CNTNAP2: variants seen among roughly 807,000 people sequenced by gnomAD.
The protein encoded by CNTNAP2 is contactin associated protein 2.
A neutral mutation model predicts 155.2 loss-of-function variants in CNTNAP2; 98 were observed. The ratio of observed to expected loss-of-function variants is 0.63; its 90% CI spans 0.54 to 0.75. The LOEUF (loss-of-function observed/expected upper bound fraction) is 0.75. Among genes scored for constraint, CNTNAP2 ranks in the 30% least tolerant of loss-of-function variants. The pLI is 0.00. For synonymous variants in CNTNAP2, 651 were observed against 631.2 expected (o/e 1.03, Z -0.47); for missense variants, 1,727 against 1,688.1 (o/e 1.02, Z -0.40).
rs10276944 is a variant in CNTNAP2 at position 148,053,197 on chromosome 7, G to A, written c.2384-64921G>A. 8.2e-3 allele frequency among the ~76,000 whole-genome samples: 1,254 copies of A among 152,218 alleles called. 15 individuals are homozygous for A. Among genetic ancestry groups the A allele is most frequent in the African/African-American group, 0.027 (1,101 of 41,518 alleles). On this transcript the variant is annotated intron_variant, in intron 15 of 23. Transcript: ENST00000361727. ...ATTCCACATGTATTTACATGTACCT[G>A]GGAAAATTATAATGAAAATGTTAAC... is the stretch of plus-strand genomic sequence containing the variant.
chr7:147,066,524 A>G (rs2129264124), intron 4 of CNTNAP2, among the ~76,000 whole-genome samples: 1 of 152,326 alleles, frequency 6.6e-6, no homozygotes, highest in Non-Finnish European at 1.5e-5. Context: ...GATTTTATAA[A>G]TTCTATTTAA....
At chr7:148,335,852 A>G (rs562435233) in intron 21 of CNTNAP2, among the ~76,000 whole-genome samples, 4 of 120,484 alleles carry the variant, frequency 3.3e-5, no homozygotes, top group African/African-American at 1.1e-4. Flanking sequence ...AGGTTTAAAT[A>G]TTGTACGTTT....
chr7:147,591,680 T>A (rs1192942132), intron 12 of CNTNAP2, among the ~76,000 whole-genome samples: 1 of 152,158 alleles, frequency 6.6e-6, no homozygotes, highest in Admixed American at 6.6e-5. Flanking sequence ...AGCAGAATAG[T>A]CCTACAAAAA....
chr7:147,417,876 T>C (rs1261714530), intron 10 of CNTNAP2, among the ~76,000 whole-genome samples: 1 of 152,230 alleles, frequency 6.6e-6, no homozygotes, highest in African/African-American at 2.4e-5. Context: ...AGAAAGTTTT[T>C]TAAGAGTTCC....
At chr7:147,495,272 C>G (rs1256268918) in intron 11 of CNTNAP2, among the ~76,000 whole-genome samples, 4 of 152,130 alleles carry the variant, frequency 2.6e-5, no homozygotes, top group Admixed American at 2.6e-4. Flanking sequence ...AGAAACAGAA[C>G]TAATTGTTAA....
intron 18 of CNTNAP2, among the ~76,000 whole-genome samples, chr7:148,204,192 C>G (rs1795410997): frequency 6.6e-6 from 1 of 152,174 alleles, no homozygotes; most frequent in Non-Finnish European, 1.5e-5. Context: ...TGCTTTAAGA[C>G]TGCCGATACG....
chr7:147,105,387 C>A (rs1563078297), intron 4 of CNTNAP2, among the ~76,000 whole-genome samples: 1 of 151,890 alleles, frequency 6.6e-6, no homozygotes, highest in Non-Finnish European at 1.5e-5. Flanking sequence ...TTAAACAGTT[C>A]AACCATACAT....
intron 10 of CNTNAP2, among the ~76,000 whole-genome samples, chr7:147,465,250 C>A (rs1001860486): frequency 3.9e-4 from 59 of 152,168 alleles, no homozygotes; most frequent in African/African-American, 1.3e-3. Flanking sequence ...GAAGCTCAAA[C>A]CTCAGCATTA....
At chr7:147,891,075 T>A (rs1438306017) in intron 13 of CNTNAP2, among the ~76,000 whole-genome samples, 1 of 151,354 alleles carries the variant, frequency 6.6e-6, no homozygotes, top group Non-Finnish European at 1.5e-5. Context: ...TTAAAAACTA[T>A]TTTTTTTAAA....
At chr7:147,780,266 G>A (rs1257785404) in intron 13 of CNTNAP2, among the ~76,000 whole-genome samples, 11 of 152,090 alleles carry the variant, frequency 7.2e-5, no homozygotes, top group Admixed American at 6.5e-4. Context: ...AAATGAAAAC[G>A]GAAAACATTC....
intron 13 of CNTNAP2, among the ~76,000 whole-genome samples, chr7:147,832,672 A>T (rs1278491381): frequency 7.0e-6 from 1 of 141,950 alleles, no homozygotes; most frequent in Non-Finnish European, 1.5e-5. Flanking sequence ...ATTTCAATAT[A>T]TTATATTTCA....
intron 1 of CNTNAP2, among the ~76,000 whole-genome samples, chr7:146,738,470 C>T (rs1178649235): frequency 1.3e-5 from 2 of 151,928 alleles, no homozygotes; most frequent in Non-Finnish European, 2.9e-5. Context: ...ATTTTCTCTT[C>T]GTTTTGTTTA....
chr7:146,365,096 T>G (rs1795136674), intron 1 of CNTNAP2, among the ~76,000 whole-genome samples: 1 of 152,332 alleles, frequency 6.6e-6, no homozygotes, highest in Admixed American at 6.5e-5. Context: ...TATGTAAATG[T>G]GGTATCTTGC....
At chr7:147,235,458 A>G (rs1349317809) in intron 8 of CNTNAP2, among the ~76,000 whole-genome samples, 3 of 151,784 alleles carry the variant, frequency 2.0e-5, no homozygotes, top group Non-Finnish European at 4.4e-5. Context: ...GGTGTTGTGT[A>G]CCAGACTTCC....
chr7:146,350,922 C>T lies in CNTNAP2; in HGVS notation c.97+233949C>T, dbSNP rs533212041. On this transcript the variant is annotated intron_variant, in intron 1 of 23. Coordinates refer to ENST00000361727, the MANE Select transcript of CNTNAP2 (RefSeq NM_014141.6). ...GAAACCATCATTCTCAGCAAACTAT[C>T]GCAAGGACAAAAAACCAAACACCGC... 2.3e-3 allele frequency among the ~76,000 whole-genome samples: 353 copies of T among 151,118 alleles called. 1 individual carries two copies. Among genetic ancestry groups the T allele is most frequent in the African/African-American group, 5.6e-3 (232 of 41,072 alleles).
At chr7:147,071,267 A>G (rs1168758240) in intron 4 of CNTNAP2, among the ~76,000 whole-genome samples, 1 of 152,044 alleles carries the variant, frequency 6.6e-6, no homozygotes, top group Non-Finnish European at 1.5e-5. Flanking sequence ...TTTTTAACAA[A>G]TAATGAAGTG....
chr7:146,689,646 C>T (rs549534123), intron 1 of CNTNAP2, among the ~76,000 whole-genome samples: 3 of 152,138 alleles, frequency 2.0e-5, no homozygotes, highest in East Asian at 3.9e-4. Context: ...CTGACTGCCA[C>T]GCATGTCTGA....
At chr7:147,107,666 T>C (rs1205544304) in intron 4 of CNTNAP2, among the ~76,000 whole-genome samples, 1 of 151,868 alleles carries the variant, frequency 6.6e-6, no homozygotes, top group Non-Finnish European at 1.5e-5. Flanking sequence ...AAAAACCATT[T>C]AAAAAAAAGA....
intron 12 of CNTNAP2, among the ~76,000 whole-genome samples, chr7:147,591,973 A>T (rs888466678): frequency 6.6e-6 from 1 of 152,230 alleles, no homozygotes; most frequent in African/African-American, 2.4e-5. Context: ...GCTCAATGTC[A>T]TCTATGAAAA....
Sources: allele counts gnomAD v4.1 joint callset (sites outside exome capture counted in the v4.1 genomes callset), GRCh38; gene constraint gnomAD v4.1.1; transcripts MANE v1.5; gene names NCBI Gene and HGNC (gene_info 2026-07-23, HGNC 2026-07-21).